Variants in NBPF15 observed in about 807,000 individuals in gnomAD.
NBPF15 encodes the protein NBPF member 15, also known as NBPF family member NBPF15.
NBPF15 carries 74 observed loss-of-function variants against 62.2 expected under a neutral mutation model. The observed-to-expected ratio is 1.19, with a 90% CI of 0.99 to 1.44. The LOEUF (loss-of-function observed/expected upper bound fraction) is 1.44. NBPF15 is among the 40% of genes most tolerant of loss of function. The pLI, the probability that NBPF15 is intolerant of heterozygous loss-of-function variation, is 0.00. For synonymous variants in NBPF15, 244 were observed against 209.7 expected (o/e 1.16, Z -1.41); for missense variants, 790 against 550.0 (o/e 1.44, Z -4.36).
rs1354759610 is a variant in NBPF15 at position 144,427,090 on chromosome 1, T to G, written c.1222A>C (p.Lys408Gln). The stretch of plus-strand genomic sequence containing the variant: ...TGGTCTTCTTCCACTTCTTGGTACT[T>G]TTCAATTTCTGCAATAAGTTCAGAC... ...GLAIDMDEIE[K>Q]YQEVEEDQDP... Residue 408 changes from lysine (K) to glutamine (Q), a missense_variant, in exon 17 of 22, where the codon AAG becomes CAG. By Grantham distance (53) the Lys-to-Gln change is moderately conservative. Transcript: ENST00000581897. The G allele has an allele frequency of 6.9e-6, 4 of 575,674 alleles. No homozygotes were observed. The highest frequency in any genetic ancestry group is 1.2e-5 in the Non-Finnish European group (4 of 331,960). 35.7% of individuals were successfully genotyped at this position (575,674 alleles called of 1,614,324 possible). A position where few individuals can be genotyped will look rare whatever the true frequency, so the allele number is the denominator to read the frequency against.
At position 144,423,047 on chromosome 1, in the gene NBPF15, A is replaced by T; in HGVS notation, c.1979T>A (p.Leu660Gln). The T allele has an allele frequency of 6.2e-7, 1 of 1,611,680 alleles. No homozygotes were observed. The highest frequency in any genetic ancestry group is 8.5e-7 in the Non-Finnish European group (1 of 1,179,644). ...FFTLTVTSLH[L>Q]VFQMGVIFPQ is the part of the protein sequence containing the mutation. ...GAATATGACTCCCATCTGGAACACC[A>T]GGTGGAGACTTGTCACCGTCAAAGT... The change falls in exon 22 of 22, where the codon CTG (leucine) becomes CAG (glutamine). Residue 660 changes from leucine (L) to glutamine (Q), a missense_variant. Coordinates refer to ENST00000581897, the MANE Select transcript of NBPF15 (RefSeq NM_001385408.1).
chr1:144,452,452 T>C (rs1691800046), intron 4 of NBPF15, among the ~76,000 whole-genome samples: 1 of 151,510 alleles, frequency 6.6e-6, no homozygotes, highest in Non-Finnish European at 1.5e-5. Context: ...AAAATATAAA[T>C]ATAATGAAGT....
chr1:144,456,155 A>C (rs1553546907), intron 4 of NBPF15, among the ~76,000 whole-genome samples: 1 of 150,794 alleles, frequency 6.6e-6, no homozygotes, highest in Non-Finnish European at 1.5e-5. Flanking sequence ...GGGGTGAGCC[A>C]TGAAAGCTGA....
At chr1:144,433,267 C>A (rs1309275540) in intron 13 of NBPF15, among the ~76,000 whole-genome samples, 6 of 151,940 alleles carry the variant, frequency 3.9e-5, no homozygotes, top group African/African-American at 1.2e-4. Context: ...AACAAAGACA[C>A]AACATACCAG....
chr1:144,445,215 T>C (rs2102441217), intron 6 of NBPF15, among the ~76,000 whole-genome samples: 1 of 149,186 alleles, frequency 6.7e-6, no homozygotes, highest in South Asian at 2.1e-4. Flanking sequence ...GTGCTGTTTA[T>C]CTTATCAGAC....
At chr1:144,450,619 G>T (rs1553545255) in intron 5 of NBPF15, among the ~76,000 whole-genome samples, 153 bp downstream of exon 5, 1 of 150,474 alleles carries the variant, frequency 6.6e-6, no homozygotes, top group African/African-American at 2.5e-5. Context: ...ACTGGTTTGT[G>T]GTAATGTGAT....
At position 144,423,238 on chromosome 1, in the gene NBPF15, C is replaced by T. The variant is rs1553538600; in HGVS notation, c.1788G>A (p.Met596Ile). ...GTAAGACTTCAGGCTCTTCCACTTC[C>T]ATCAGCACGCCGTAGAGCCTGGAAA... is the stretch of plus-strand genomic sequence containing the variant. ...PPCPRLYGVL[M>I]EVEEPEVLQD... Residue 596 changes from methionine to isoleucine, a missense_variant, in exon 22 of 22, where the codon ATG becomes ATA. Coordinates refer to ENST00000581897, the MANE Select transcript of NBPF15 (RefSeq NM_001385408.1). 4 of 1,611,496 alleles carry T rather than the reference C, an allele frequency of 2.5e-6. 1 individual carries two copies. In the East Asian group the frequency reaches 6.7e-5, roughly 27 times the overall value.
At chr1:144,447,820 A>G (rs1302374644) in intron 6 of NBPF15, among the ~76,000 whole-genome samples, 2 of 152,104 alleles carry the variant, frequency 1.3e-5, no homozygotes, top group Non-Finnish European at 2.9e-5. Context: ...TTTGAAATAA[A>G]GTGCTACATG....
In NBPF15 at chr1:144,439,940, C is replaced by T; in HGVS notation, c.64G>A (p.Glu22Lys). 1 of 1,611,192 alleles carries T rather than the reference C, an allele frequency of 6.2e-7. No individual in the cohort carries two copies. Among genetic ancestry groups the T allele is most frequent in the South Asian group, 1.1e-5 (1 of 90,956 alleles). ...KAEMNILEIN[E>K]KLRPQLAEKK... The stretch of plus-strand genomic sequence containing the variant: ...TCTGCCAACTGGGGGCGCAATTTCT[C>T]ATTGATTTCTAGAATGTTCATCTCT... The change falls in exon 8 of 22, where the codon GAG becomes AAG. Residue 22 changes from glutamate to lysine, a missense_variant. Transcript: ENST00000581897.
intron 4 of NBPF15, among the ~76,000 whole-genome samples, chr1:144,451,507 T>C (rs1691130727): frequency 6.6e-6 from 1 of 151,872 alleles, no homozygotes. Context: ...TATTTCAGAC[T>C]ATCACATGGG....
intron 16 of NBPF15, among the ~76,000 whole-genome samples, chr1:144,427,462 G>A (rs1450999571): frequency 4.0e-5 from 6 of 150,044 alleles, no homozygotes; most frequent in Non-Finnish European, 8.9e-5. Context: ...ATTGTTCATG[G>A]TAGCAAGGAT....
chr1:144,452,408 A>T (rs587697484), intron 4 of NBPF15, among the ~76,000 whole-genome samples: 1 of 151,906 alleles, frequency 6.6e-6, no homozygotes, highest in African/African-American at 2.4e-5. Flanking sequence ...CAAAACGAAC[A>T]CAATAGTCCA....
chr1:144,436,575 T>A (rs587766897), intron 10 of NBPF15, among the ~76,000 whole-genome samples: 1 of 152,154 alleles, frequency 6.6e-6, no homozygotes, highest in South Asian at 2.1e-4. Flanking sequence ...GAATCTTCAT[T>A]CTTAGTCCAG....
rs587733336 is a variant in NBPF15 at position 144,461,497 on chromosome 1, G to C, written c.-1054C>G. On this transcript the variant is annotated 5_prime_UTR_variant, in exon 1 of 22. Coordinates refer to ENST00000581897, the MANE Select transcript of NBPF15 (RefSeq NM_001385408.1). Reference sequence around the variant, plus strand: ...CGCCACGCCTCGGCCCGCTCCTGGCGCCACAGGTCGCCCGTCCCGCGTTCC... The same window carrying C: ...CGCCACGCCTCGGCCCGCTCCTGGCCCCACAGGTCGCCCGTCCCGCGTTCC... The C allele has an allele frequency of 1.3e-5, 2 of 152,762 alleles. No homozygotes were observed. The highest frequency in any genetic ancestry group is 2.9e-5 in the Non-Finnish European group (2 of 68,608). The allele number at this position is 152,762 out of a possible 1,614,324, so 9.5% of individuals were successfully genotyped here. A position where few individuals can be genotyped will look rare whatever the true frequency, so the allele number is the denominator to read the frequency against.
At position 144,440,692 on chromosome 1, in the gene NBPF15, G is replaced by A. The variant is rs1490869166; in HGVS notation, c.-190-397C>T. The A allele has an allele frequency of 4.4e-4, 61 of 138,348 alleles. 1 individual carries two copies. The highest frequency in any genetic ancestry group is 9.8e-3 in the Middle Eastern group (2 of 204). The allele number at this position is 138,348 out of a possible 1,614,324, so 8.6% of individuals were successfully genotyped here. ...GTTTGAGACAGAGTCTCACTCTGTC[G>A]CCCAGGCTGGAGTGCAGTGACGCGA... On this transcript the variant is annotated intron_variant, in intron 6 of 21. Coordinates refer to ENST00000581897, the MANE Select transcript of NBPF15 (RefSeq NM_001385408.1).
At chr1:144,431,010 A>T (rs1673824408) in intron 13 of NBPF15, among the ~76,000 whole-genome samples, 1 of 151,950 alleles carries the variant, frequency 6.6e-6, no homozygotes, top group South Asian at 2.1e-4. Context: ...ATGAAGCGAG[A>T]AGAGAAGTTT....
intron 4 of NBPF15, among the ~76,000 whole-genome samples, chr1:144,455,860 C>T (rs1376049065): frequency 2.0e-5 from 3 of 151,914 alleles, no homozygotes; most frequent in African/African-American, 4.8e-5. Context: ...GGGCATGGTA[C>T]CTAATAGTCA....
chr1:144,461,138 G>T (rs1403932389), intron 1 of NBPF15, among the ~76,000 whole-genome samples, 177 bp from the exon 2 acceptor site: 4 of 151,784 alleles, frequency 2.6e-5, no homozygotes, highest in African/African-American at 9.7e-5. Flanking sequence ...CCCCGAAGCT[G>T]CTCGTCCCTC....
chr1:144,436,429 G>T (rs1210905034), intron 10 of NBPF15, among the ~76,000 whole-genome samples: 30 of 148,130 alleles, frequency 2.0e-4, no homozygotes, highest in African/African-American at 6.2e-4. Flanking sequence ...GAAAGCAGTT[G>T]TAAGTGTTCC....
Sources: gnomAD v4.1 joint callset for allele counts (sites outside exome capture counted in the v4.1 genomes callset) on GRCh38, gnomAD v4.1.1 for gene constraint, MANE v1.5 for transcripts, NCBI Gene and HGNC (gene_info 2026-07-23, HGNC 2026-07-21) for gene names.